TEX11: variants seen among roughly 807,000 people sequenced by gnomAD.
TEX11 encodes the protein testis expressed 11.
TEX11 carries 7 observed loss-of-function variants against 84.4 expected under a neutral mutation model. The ratio of observed to expected loss-of-function variants is 0.08; its 90% CI spans 0.05 to 0.16. The LOEUF is 0.16. Ranked by LOEUF, TEX11 falls within the 10% of genes least tolerant of loss-of-function variation. TEX11 has a pLI of 1.00. For missense variants in TEX11, 551 were observed against 660.5 expected, an observed-to-expected ratio of 0.83 and a Z score of 1.82; for synonymous variants, 264 against 222.8, an observed-to-expected ratio of 1.18 and a Z score of -1.64.
At chrX:70,713,985 T>A (rs2090468814) in intron 13 of TEX11, among the ~76,000 whole-genome samples, 1 of 111,966 alleles carries the variant, frequency 8.9e-6, no homozygotes, top group Non-Finnish European at 1.9e-5. Context: ...GATTCTGGTA[T>A]GTTGTGTCTT....
chrX:70,802,467 C>T (rs1450504888), intron 9 of TEX11, among the ~76,000 whole-genome samples: 1 of 111,006 alleles, frequency 9.0e-6, no homozygotes, highest in Non-Finnish European at 1.9e-5. Context: ...ATATATATAT[C>T]AAAACATCAC....
rs901158745 is a variant in TEX11 at position 70,908,671 on chromosome X, A to G, written c.-39T>C. The G allele has an allele frequency of 9.0e-6, 1 of 111,509 alleles. No homozygotes were observed. Among genetic ancestry groups the G allele is most frequent in the African/African-American group, 3.3e-5 (1 of 30,535 alleles). 9.2% of individuals were successfully genotyped at this position (111,509 alleles called of 1,213,427 possible). A position where few individuals can be genotyped will look rare whatever the true frequency, so the allele number is the denominator to read the frequency against. ...CCACTCACCTCAGCCGCAGCCACCA[A>G]TGCCGCCCTGCTCTCTCCACAACCT... On this transcript the variant is annotated 5_prime_UTR_variant, in exon 1 of 30. Transcript: ENST00000374333.
intron 24 of TEX11, among the ~76,000 whole-genome samples, chrX:70,597,264 T>C (rs1343684165): frequency 8.9e-6 from 1 of 111,992 alleles, no homozygotes. Context: ...GCTGGCTTTT[T>C]TGCAGAAATC....
At position 70,574,302 on chromosome X, in the gene TEX11, T is replaced by A. The variant is rs569797407; in HGVS notation, c.2140+17449A>T. On this transcript the variant is annotated intron_variant, in intron 25 of 29. Coordinates refer to ENST00000374333, the MANE Select transcript of TEX11 (RefSeq NM_031276.3). ...AAAGAGAGATTCAGAAGCTGTGAGC[T>A]TCCTCAAGTAAGAAAGGTTTGAGTA... 1.3e-4 allele frequency among the ~76,000 whole-genome samples: 14 copies of A among 111,640 alleles called. No homozygotes were observed. In the South Asian group the frequency reaches 5.3e-3, roughly 42 times the overall value.
intron 7 of TEX11, among the ~76,000 whole-genome samples, chrX:70,851,999 A>T (rs943378362): frequency 1.8e-5 from 2 of 111,960 alleles, no homozygotes; most frequent in Admixed American, 9.5e-5. Context: ...ATGACTGCTA[A>T]TGCTGATGGG....
the TEX11 span, among the ~76,000 whole-genome samples, chrX:70,515,065 TCACACA>T: frequency 1.1e-5 from 1 of 87,618 alleles, no homozygotes; most frequent in Non-Finnish European, 2.1e-5. Flanking sequence ...TGAAACTCGG[TCACACA>T]CACACACACA....
At chrX:70,637,782 G>A (rs1306483376) in intron 17 of TEX11, among the ~76,000 whole-genome samples, 1 of 110,819 alleles carries the variant, frequency 9.0e-6, no homozygotes, top group Non-Finnish European at 1.9e-5. Context: ...CTGGGAGGAG[G>A]GATATCATAA....
chrX:70,716,413 C>A (rs903792866), intron 13 of TEX11, among the ~76,000 whole-genome samples: 7 of 109,068 alleles, frequency 6.4e-5, no homozygotes, highest in Non-Finnish European at 9.6e-5. Context: ...GCAGGCAGGC[C>A]TCCTTGAGCT....
chrX:70,842,397 T>C (rs1363440874), intron 7 of TEX11, among the ~76,000 whole-genome samples: 1 of 111,330 alleles, frequency 9.0e-6, no homozygotes, highest in Non-Finnish European at 1.9e-5. Context: ...ATTATCTCAA[T>C]AGATGCAGAA....
In TEX11 at chrX:70,640,824, T is replaced by C. The variant is rs146326928; in HGVS notation, c.1483+10626A>G. ...CAGCTGCTGCAAAATCATGCCAAAA[T>C]GTAAAGACCATCGAGACTAGGAAGA... is the stretch of plus-strand genomic sequence containing the variant. On this transcript the variant is annotated intron_variant, in intron 17 of 29. Coordinates refer to ENST00000374333, the MANE Select transcript of TEX11 (RefSeq NM_031276.3). Among the ~76,000 whole-genome samples the C allele has an allele frequency of 4.0e-3, 440 of 109,700 alleles. 2 individuals carry two copies. Among genetic ancestry groups the C allele is most frequent in the African/African-American group, 0.014 (427 of 30,060 alleles).
chrX:70,861,061 CTT>C (rs11363600), intron 4 of TEX11, 125 bp from the exon 5 acceptor site: 12,687 of 217,858 alleles, frequency 0.058, 1 homozygote, highest in East Asian at 0.089. Flanking sequence ...TTGTAAAGGC[CTT>C]TTTTTTTTTT....
chrX:70,824,311 G>A (rs894963080), intron 8 of TEX11, among the ~76,000 whole-genome samples: 1 of 112,002 alleles, frequency 8.9e-6, no homozygotes, highest in African/African-American at 3.2e-5. Flanking sequence ...CAGACTGAGG[G>A]TGCTTCTCTA....
intron 28 of TEX11, among the ~76,000 whole-genome samples, chrX:70,548,017 C>G (rs941898017): frequency 2.7e-5 from 3 of 111,900 alleles, no homozygotes; most frequent in Non-Finnish European, 3.8e-5. Context: ...TTGGAACCAA[C>G]CCAAATGTCC....
intron 13 of TEX11, among the ~76,000 whole-genome samples, chrX:70,721,553 T>C (rs960612055): frequency 8.9e-6 from 1 of 112,162 alleles, no homozygotes; most frequent in African/African-American, 3.2e-5. Flanking sequence ...AATTAATGGA[T>C]TGCTGTTAAC....
intron 2 of TEX11, among the ~76,000 whole-genome samples, chrX:70,904,881 G>C (rs764306647): frequency 8.9e-6 from 1 of 112,375 alleles, no homozygotes; most frequent in East Asian, 2.7e-4. Flanking sequence ...AAAAAAATTA[G>C]ATCATTAAAA....
chrX:70,873,219 A>G lies in TEX11; in HGVS notation c.244+4T>C. 2 of 1,113,011 alleles carry G rather than the reference A, an allele frequency of 1.8e-6. No homozygotes were observed. Among genetic ancestry groups the G allele is most frequent in the Non-Finnish European group, 2.5e-6 (2 of 805,841 alleles). The allele number at this position is 1,113,011 out of a possible 1,213,427, so 91.7% of individuals were successfully genotyped here. On this transcript the variant is annotated splice_donor_region_variant and intron_variant, in intron 4 of 29. Coordinates refer to ENST00000374333, the MANE Select transcript of TEX11 (RefSeq NM_031276.3). ...ATAATACATGTCACAATATGTATAC[A>G]TACATCTAATTTTCTGCTCTTCATT...
intron 22 of TEX11, among the ~76,000 whole-genome samples, chrX:70,608,673 G>A (rs979964342): frequency 9.3e-6 from 1 of 107,285 alleles, no homozygotes; most frequent in Non-Finnish European, 1.9e-5. Context: ...CCCGGGAGGC[G>A]GAGCTGGCAG....
chrX:70,853,640 T>C (rs996375686), intron 5 of TEX11, among the ~76,000 whole-genome samples: 3 of 112,506 alleles, frequency 2.7e-5, no homozygotes, highest in Non-Finnish European at 5.6e-5. Flanking sequence ...ACTTAATGCT[T>C]CACATACTTG....
chrX:70,885,967 T>C (rs963254249), intron 2 of TEX11, among the ~76,000 whole-genome samples: 2 of 108,648 alleles, frequency 1.8e-5, no homozygotes, highest in South Asian at 4.0e-4. Context: ...TGTAGAGAAA[T>C]TGGAACTCTT....
Sources: allele counts gnomAD v4.1 joint callset (sites outside exome capture counted in the v4.1 genomes callset), GRCh38; gene constraint gnomAD v4.1.1; transcripts MANE v1.5; gene names NCBI Gene and HGNC (gene_info 2026-07-23, HGNC 2026-07-21).